NEB: variants seen among roughly 807,000 people sequenced by gnomAD.
The protein encoded by NEB is nemaline myopathy type 2.
A neutral mutation model predicts 952.2 loss-of-function variants in NEB; 512 were observed. The observed-to-expected ratio is 0.54, with a 90% CI of 0.50 to 0.58. The LOEUF is 0.58. Ranked by LOEUF, NEB falls within the 20% of genes least tolerant of loss-of-function variation. The pLI, the probability that NEB is intolerant of heterozygous loss-of-function variation, is 0.00. For missense variants in NEB, 8,428 were observed against 9,231.1 expected (o/e 0.91, Z 3.56); for synonymous variants, 2,900 against 3,149.8 (o/e 0.92, Z 2.66).
In NEB at chr2:151,525,975, T is replaced by G. The variant is rs761232641; in HGVS notation, c.22144A>C (p.Thr7382Pro). ...TCACTTACATCACTGACATGCTTGG[T>G]CACTTCCTTGACGTGAACAGTGTCC... is the stretch of plus-strand genomic sequence containing the variant. ...TRDTVHVKEVTKHVSDTNYKK... is the reference protein window; with the variant it reads ...TRDTVHVKEVPKHVSDTNYKK... Residue 7382 changes from threonine to proline, a missense_variant, in exon 150 of 182, where the codon ACC (threonine) becomes CCC (proline). By Grantham distance (38) the Thr-to-Pro change is conservative. Transcript: ENST00000397345. The G allele has an allele frequency of 6.2e-6, 10 of 1,613,814 alleles. No homozygotes were observed.
intron 145 of NEB, 82 bp downstream of exon 145, chr2:151,530,912 T>C (rs1190844309): frequency 2.3e-6 from 2 of 856,254 alleles, no homozygotes; most frequent in Non-Finnish European, 3.8e-6. Flanking sequence ...TACACAGGAA[T>C]AGATAACTGG....
Position 151,725,575 on chromosome 2 carries a change from A to G in NEB, c.295-15T>C. ...TTGTATTTATTCTGAAAAGAATATC[A>G]GATATTAGCCTAACAAGACAGCAGT... On this transcript the variant is annotated splice_polypyrimidine_tract_variant and intron_variant, in intron 5 of 181. Coordinates refer to ENST00000397345, the MANE Select transcript of NEB (RefSeq NM_001164508.2). 1.3e-6 allele frequency: 2 copies of G among 1,593,204 alleles called. No individual in the cohort carries two copies. Among genetic ancestry groups the G allele is most frequent in the African/African-American group, 2.7e-5 (2 of 74,624 alleles).
intron 162 of NEB, 109 bp from the exon 163 acceptor site, chr2:151,507,122 T>C: frequency 2.9e-6 from 2 of 694,424 alleles, no homozygotes; most frequent in South Asian, 3.6e-5. Flanking sequence ...TAAAAAAAAG[T>C]CTATGCACAA....
intron 71 of NEB, 131 bp from the exon 72 acceptor site, chr2:151,621,157 CTCTT>C: frequency 3.2e-6 from 2 of 634,850 alleles, no homozygotes. Flanking sequence ...AGAAAAAGAA[CTCTT>C]TCTTTTACTT....
rs144800068 is a variant in NEB at position 151,611,628 on chromosome 2, T to C, written c.11805+558A>G. Among the ~76,000 whole-genome samples the C allele has an allele frequency of 3.7e-3, 570 of 152,324 alleles. 2 individuals are homozygous for C. The highest frequency in any genetic ancestry group is 0.012 in the African/African-American group (512 of 41,582). On this transcript the variant is annotated intron_variant, in intron 78 of 181. Coordinates refer to ENST00000397345, the MANE Select transcript of NEB (RefSeq NM_001164508.2). Reference sequence around the variant, plus strand: ...TAAGGGCTGACTCATTGGATAAAAATAGATTGATAAAATTTTGGATGAAAC... The same window carrying C: ...TAAGGGCTGACTCATTGGATAAAAACAGATTGATAAAATTTTGGATGAAAC...
At chr2:151,717,358 G>T in intron 10 of NEB, 58 bp downstream of exon 10, 1 of 1,205,078 alleles carries the variant, frequency 8.3e-7, no homozygotes, top group Non-Finnish European at 1.2e-6. Flanking sequence ...CTCTCTGATG[G>T]TTGAAATTAT....
At chr2:151,698,001 G>A (rs1328423917) in intron 13 of NEB, among the ~76,000 whole-genome samples, 1 of 152,206 alleles carries the variant, frequency 6.6e-6, no homozygotes, top group Non-Finnish European at 1.5e-5. Flanking sequence ...GGGAGGCGGA[G>A]GTTGCAGTGA....
rs571765240 is a variant in NEB, at chr2:151,567,675, A to G, written c.17845-196T>C. Among the ~76,000 whole-genome samples the G allele has an allele frequency of 1.8e-4, 27 of 152,314 alleles. No homozygotes were observed. The East Asian group carries it at 4.6e-3, about 26-fold the overall frequency. ...AACACCCATTTAAAAATAGAAAAAT[A>G]TTCTGCTGAGATAGCCCTAAAAATG... On this transcript the variant is annotated intron_variant, in intron 113 of 181. Coordinates refer to ENST00000397345, the MANE Select transcript of NEB (RefSeq NM_001164508.2).
Position 151,627,841 on chromosome 2 carries a change from T to TG in NEB, c.9832-8_9832-7insC, listed in dbSNP as rs2098553358. 1 of 1,605,324 alleles carries TG rather than the reference T, an allele frequency of 6.2e-7. No homozygotes were observed. Among genetic ancestry groups the TG allele is most frequent in the Non-Finnish European group, 8.5e-7 (1 of 1,173,620 alleles). ...AACCATCTTTGTATTTGTACTGAAA[T>TG]AAAGGTGGTCATTTCAAAAATAAAA... On this transcript the variant is annotated splice_polypyrimidine_tract_variant and splice_region_variant and intron_variant, in intron 68 of 181. Transcript: ENST00000397345.
intron 81 of NEB, 79 bp downstream of exon 81, chr2:151,609,730 T>TAGTC: frequency 7.2e-7 from 1 of 1,393,824 alleles, no homozygotes; most frequent in African/African-American, 1.4e-5. Flanking sequence ...CCCAGGGGAC[T>TAGTC]GTCCTCAGAG....
At chr2:151,541,364 C>T in intron 136 of NEB, 83 bp downstream of exon 136, 1 of 970,360 alleles carries the variant, frequency 1.0e-6, no homozygotes, top group Admixed American at 2.2e-5. Context: ...GTGTGTGAGT[C>T]TGCCACTGGC....
chr2:151,708,224 T>C (rs1267665416), intron 12 of NEB, among the ~76,000 whole-genome samples: 1 of 152,170 alleles, frequency 6.6e-6, no homozygotes, highest in Admixed American at 6.5e-5. Context: ...TCTTAAAAAG[T>C]CCCTCTTTAC....
intron 40 of NEB, 48 bp from the exon 41 acceptor site, chr2:151,666,449 G>A (rs1575597029): frequency 6.5e-7 from 1 of 1,538,674 alleles, no homozygotes; most frequent in East Asian, 2.3e-5. Context: ...ATAGAAGTCT[G>A]ATATAAACTG....
At chr2:151,561,459 C>G in intron 121 of NEB, 147 bp from the exon 122 acceptor site, 1 of 614,040 alleles carries the variant, frequency 1.6e-6, no homozygotes, top group Non-Finnish European at 2.9e-6. Flanking sequence ...GTCCTGCAGA[C>G]TTTGTATGGC....
chr2:151,502,456 A>C (rs2065445029), intron 167 of NEB, among the ~76,000 whole-genome samples: 1 of 152,170 alleles, frequency 6.6e-6, no homozygotes, highest in Admixed American at 6.5e-5. Context: ...ATACAAATAA[A>C]ATTCTAATTA....
intron 140 of NEB, among the ~76,000 whole-genome samples, 184 bp from the exon 141 acceptor site, chr2:151,537,420 A>T (rs1313887003): frequency 6.6e-6 from 1 of 152,234 alleles, no homozygotes. Flanking sequence ...GTTTTATAAC[A>T]TATGGAAGTT....
At chr2:151,710,816 GATGTTTAAAGAAATAGAGTCAGAAGTC>G (rs1234508644) in intron 10 of NEB, among the ~76,000 whole-genome samples, 4 of 152,056 alleles carry the variant, frequency 2.6e-5, no homozygotes. Context: ...GATGTCCCCT[GATGTTTAAAGAAATAGAGTCAGAAGTC>G]ATCCTCTATT....
At chr2:151,670,641 T>C (rs2099274730) in intron 38 of NEB, among the ~76,000 whole-genome samples, 1 of 152,250 alleles carries the variant, frequency 6.6e-6, no homozygotes, top group Admixed American at 6.5e-5. Flanking sequence ...TAGGACATTA[T>C]GCCTCTTCCC....
Position 151,534,307 on chromosome 2 carries a change from C to T in NEB, c.21313-761G>A, listed in dbSNP as rs2092602378. The stretch of plus-strand genomic sequence containing the variant: ...TTATCTTTCCGCTGCTCATAATCAG[C>T]TCTGTATTTTTTCTGCTCAAACATC... On this transcript the variant is annotated intron_variant, in intron 142 of 181. Transcript: ENST00000397345. The T allele has an allele frequency of 1.9e-6, 3 of 1,613,312 alleles. No individual in the cohort carries two copies. Among genetic ancestry groups the T allele is most frequent in the East Asian group, 2.2e-5 (1 of 44,886 alleles).
Sources: gnomAD v4.1 joint callset for allele counts (sites outside exome capture counted in the v4.1 genomes callset) on GRCh38, gnomAD v4.1.1 for gene constraint, MANE v1.5 for transcripts, NCBI Gene and HGNC (gene_info 2026-07-23, HGNC 2026-07-21) for gene names.